Variants in AKNA observed in about 807,000 individuals in gnomAD.
AKNA encodes microtubule organization protein AKNA.
AKNA carries 67 observed loss-of-function variants against 138.8 expected under a neutral mutation model. The ratio of observed to expected loss-of-function variants is 0.48; its 90% CI spans 0.40 to 0.59. The LOEUF is 0.59. Ranked by LOEUF, AKNA falls within the 20% of genes least tolerant of loss-of-function variation. The probability of loss-of-function intolerance (pLI) is 0.00; values close to 1 mark genes in which losing one functional copy is unlikely to be tolerated. For synonymous variants in AKNA, 737 were observed against 754.4 expected (o/e 0.98, Z 0.38); for missense variants, 1,813 against 1,880.4 (o/e 0.96, Z 0.66).
At chr9:114,348,939 A>C (rs1324326180) in intron 15 of AKNA, 2 of 456,294 alleles carry the variant, frequency 4.4e-6, no homozygotes, top group Admixed American at 4.7e-5. Context: ...CCTCCAGCAG[A>C]CATGAGCGCT....
chr9:114,359,521 CA>C (rs1831764357), intron 11 of AKNA, 72 bp downstream of exon 11: 1 of 1,610,746 alleles, frequency 6.2e-7, no homozygotes, highest in African/African-American at 1.3e-5. Context: ...CTGTCTTATT[CA>C]CTCTGACAGT....
rs746948550 is a variant in AKNA at position 114,367,619 on chromosome 9, C to T, written c.1652G>A (p.Arg551Gln). ...TGAGGACTGGTCCTCAGAGATGTCC[C>T]GGTTCTCCGGAAGCCACCCCAGGGT... Reference protein sequence around the residue: ...MPTLGWLPENRDISEDQSSAE... With the variant: ...MPTLGWLPENQDISEDQSSAE... The change falls in exon 6 of 22, where the codon CGG (arginine) becomes CAG (glutamine). Residue 551 changes from arginine to glutamine, a missense_variant. Coordinates refer to ENST00000374088, the MANE Select transcript of AKNA (RefSeq NM_001317950.2). 26 of 1,607,118 alleles carry T rather than the reference C, an allele frequency of 1.6e-5. No homozygotes were observed. The highest frequency in any genetic ancestry group is 2.7e-5 in the African/African-American group (2 of 74,702).
At chr9:114,365,762 G>T (rs1174675753) in intron 6 of AKNA, among the ~76,000 whole-genome samples, 1 of 152,092 alleles carries the variant, frequency 6.6e-6, no homozygotes, top group African/African-American at 2.4e-5. Flanking sequence ...CTAAGTCTCT[G>T]AAATCTGGCA....
downstream of AKNA, chr9:114,331,577 A>G (rs1480861855): frequency 6.2e-7 from 1 of 1,613,670 alleles, no homozygotes; most frequent in Non-Finnish European, 8.5e-7. Flanking sequence ...AGGGAGGCCG[A>G]GAACATGTTG....
At chr9:114,366,216 G>A (rs1454146975) in intron 6 of AKNA, among the ~76,000 whole-genome samples, 1 of 150,390 alleles carries the variant, frequency 6.6e-6, no homozygotes, top group Non-Finnish European at 1.5e-5. Context: ...GGAAGCGGAG[G>A]TTGCAGTGAG....
intron 3 of AKNA, among the ~76,000 whole-genome samples, chr9:114,375,613 A>T (rs1328628208): frequency 1.3e-5 from 2 of 152,152 alleles, no homozygotes; most frequent in African/African-American, 4.8e-5. Flanking sequence ...ACACACTAAC[A>T]CATTTTTAGA....
chr9:114,385,500 G>A (rs981287788), intron 1 of AKNA, among the ~76,000 whole-genome samples: 1 of 152,166 alleles, frequency 6.6e-6, no homozygotes, highest in Non-Finnish European at 1.5e-5. Context: ...GGAGGTGTGC[G>A]GTTTTTTGAC....
In AKNA at chr9:114,362,486, G is replaced by C; in HGVS notation, c.1836C>G (p.Tyr612Ter). The change falls in exon 8 of 22, where the codon TAC becomes TAG. Residue 612 changes from tyrosine (Y) to a stop codon, truncating the protein, a stop_gained. Transcript: ENST00000374088. LOFTEE classifies it high-confidence loss of function. ...GGTGTTGCTCCCGACAAGCCTTCAG[G>C]TACTCCTCCTCTAGGGCCGCGTGGG... ...KAAHAALEEEYLKACREQHPA... is the reference protein window; with the variant it reads ...KAAHAALEEE 1 of 1,613,468 alleles carries C rather than the reference G, an allele frequency of 6.2e-7. No individual in the cohort carries two copies. The highest frequency in any genetic ancestry group is 8.5e-7 in the Non-Finnish European group (1 of 1,179,808).
Position 114,354,569 on chromosome 9 carries a change from C to G in AKNA, c.3058+1356G>C, listed in dbSNP as rs1831353595. On this transcript the variant is annotated intron_variant, in intron 14 of 21. Coordinates refer to ENST00000374088, the MANE Select transcript of AKNA (RefSeq NM_001317950.2). ...TCTACTAAAAATACAAAAAATTAGC[C>G]AGGCATGGTGGTGGGCGCCTGTAGT... is the stretch of plus-strand genomic sequence containing the variant. 2.6e-5 allele frequency among the ~76,000 whole-genome samples: 4 copies of G among 151,912 alleles called. No individual in the cohort carries two copies. In the South Asian group the frequency reaches 8.3e-4, roughly 32 times the overall value.
chr9:114,337,373 G>A (rs1335229253), intron 21 of AKNA, 67 bp from the exon 22 acceptor site: 2 of 1,360,922 alleles, frequency 1.5e-6, no homozygotes, highest in Non-Finnish European at 1.9e-6. Context: ...GGAGCACCGT[G>A]TGTGGGGTCA....
downstream of AKNA, chr9:114,332,005 A>G (rs549147820): frequency 0.024 from 32,211 of 1,365,368 alleles, 4,942 homozygotes; most frequent in African/African-American, 0.38. Flanking sequence ...CAGAGCAGGA[A>G]AGCTGCCAGG....
chr9:114,385,135 T>C (rs1020199451), intron 1 of AKNA, among the ~76,000 whole-genome samples: 1 of 152,202 alleles, frequency 6.6e-6, no homozygotes, highest in Non-Finnish European at 1.5e-5. Flanking sequence ...ATTACAAGCA[T>C]GAGCCACCCA....
intron 3 of AKNA, 51 bp from the exon 4 acceptor site, chr9:114,374,218 C>T: frequency 6.6e-7 from 1 of 1,525,984 alleles, no homozygotes; most frequent in African/African-American, 1.4e-5. Context: ...ACAATGAACC[C>T]CTCCTTGCTG....
At chr9:114,355,143 C>T (rs1588968487) in intron 14 of AKNA, among the ~76,000 whole-genome samples, 2 of 149,142 alleles carry the variant, frequency 1.3e-5, no homozygotes, top group African/African-American at 5.0e-5. Flanking sequence ...GCTGAGATTA[C>T]AGGCATGAGC....
At chr9:114,372,964 C>CCGGG (rs1554842042) in intron 4 of AKNA, among the ~76,000 whole-genome samples, 1 of 26,122 alleles carries the variant, frequency 3.8e-5, no homozygotes, top group African/African-American at 1.3e-4. Context: ...GGGGACGCAG[C>CCGGG]GGGGGGGGGG....
intron 11 of AKNA, among the ~76,000 whole-genome samples, chr9:114,358,837 G>T (rs138795773): frequency 1.3e-4 from 18 of 134,644 alleles, no homozygotes; most frequent in East Asian, 2.6e-4. Flanking sequence ...GTTGTGGGGT[G>T]GGGGGAGGGA....
Position 114,359,883 on chromosome 9 carries a change from A to T in AKNA, c.2291+13T>A. 6.2e-7 allele frequency: 1 copy of T among 1,614,238 alleles called. No homozygotes were observed. The highest frequency in any genetic ancestry group is 1.1e-5 in the South Asian group (1 of 91,086). On this transcript the variant is annotated intron_variant, in intron 10 of 21. Transcript: ENST00000374088. ...CTGGCCAGACACCCTGGTCAGGTCC[A>T]GGTGGCACTCACCGCTCCATGAGGC...
intron 4 of AKNA, among the ~76,000 whole-genome samples, chr9:114,371,867 C>T (rs974961556): frequency 1.3e-5 from 2 of 151,990 alleles, no homozygotes; most frequent in Non-Finnish European, 2.9e-5. Flanking sequence ...CCTCTGAACT[C>T]GTGGGTTCTG....
At chr9:114,389,617 G>T (rs780893699), upstream of AKNA, among the ~76,000 whole-genome samples, 1 of 152,174 alleles carries the variant, frequency 6.6e-6, no homozygotes, top group Non-Finnish European at 1.5e-5. Context: ...AGGGTAGAGC[G>T]GGGGAGCCAG....
Sources: gnomAD v4.1 joint callset for allele counts (sites outside exome capture counted in the v4.1 genomes callset) on GRCh38, gnomAD v4.1.1 for gene constraint, MANE v1.5 for transcripts, NCBI Gene and HGNC (gene_info 2026-07-23, HGNC 2026-07-21) for gene names.